The following WDR81 variants were observed in gnomAD, a reference collection of about 807,000 sequenced individuals.
WDR81 encodes the protein WD repeat domain 81, also known as WD repeat-containing protein 81.
WDR81 carries 92 observed loss-of-function variants against 140.8 expected under a neutral mutation model. That is an observed-to-expected ratio of 0.65 (90% CI 0.55 to 0.78). The LOEUF is 0.78. Among genes scored for constraint, WDR81 ranks in the 30% least tolerant of loss-of-function variants. The probability of loss-of-function intolerance (pLI) is 0.00; values close to 1 mark genes in which losing one functional copy is unlikely to be tolerated. For synonymous variants in WDR81, 1,183 were observed against 1,156.4 expected (o/e 1.02, Z -0.47); for missense variants, 2,502 against 2,636.4 (o/e 0.95, Z 1.12).
chr17:1,722,660 C>T (rs1373153593), upstream of WDR81, among the ~76,000 whole-genome samples: 2 of 149,484 alleles, frequency 1.3e-5, no homozygotes, highest in Admixed American at 6.7e-5. Flanking sequence ...ATTTTCTCTC[C>T]TATCAGGCCT....
chr17:1,725,414 G>T lies in WDR81; in HGVS notation c.455G>T (p.Arg152Leu), dbSNP rs1915168470. ...VAAQNYRNLW[R>L]HAYHTYGQPY... is the part of the protein sequence containing the mutation. The stretch of plus-strand genomic sequence containing the variant: ...GCCCAGAATTATCGCAACCTGTGGC[G>T]CCATGCATACCACACTTACGGCCAG... Residue 152 changes from arginine to leucine, a missense_variant, in exon 1 of 10, where the codon CGC (arginine) becomes CTC (leucine). Arg to Leu is a moderately radical substitution (Grantham distance 102). Coordinates refer to ENST00000409644, the MANE Select transcript of WDR81 (RefSeq NM_001163809.2). The T allele has an allele frequency of 6.5e-7, 1 of 1,549,522 alleles. No individual in the cohort carries two copies. The highest frequency in any genetic ancestry group is 1.2e-5 in the South Asian group (1 of 84,068).
chr17:1,737,714 TG>T lies in WDR81; in HGVS notation c.*32del, dbSNP rs1905009919. 1.9e-6 allele frequency: 3 copies of T among 1,579,296 alleles called. No individual in the cohort carries two copies. In the African/African-American group the frequency reaches 4.0e-5, roughly 21 times the overall value. On this transcript the variant is annotated 3_prime_UTR_variant, in exon 10 of 10. Transcript: ENST00000409644. Reference sequence around the variant, plus strand: ...GAGGCAGGAGCTGGCCGGGCAAGGGTGGGAAGACATCTGCGGGCGCGTGTCC... The same window carrying T: ...GAGGCAGGAGCTGGCCGGGCAAGGGTGGAAGACATCTGCGGGCGCGTGTCC...
chr17:1,732,749 C>G lies in WDR81; in HGVS notation c.4407C>G (p.Asp1469Glu). 1.2e-6 allele frequency: 2 copies of G among 1,613,068 alleles called. No homozygotes were observed. The highest frequency in any genetic ancestry group is 3.3e-5 in the Admixed American group (2 of 60,006). The change falls in exon 6 of 10, where the codon GAC becomes GAG. Residue 1469 changes from aspartate to glutamate, a missense_variant. This residue lies in a region of WDR81 where 1,737 missense variants were observed against 1,843.0 expected (regional missense o/e 0.94). Transcript: ENST00000409644. ...CTGATGGGCAGCAGCGGCCCGTGGA[C>G]CCCGCCCTGCTGGACGAGCTGCAGA... ...VFSDGQQRPV[D>E]PALLDELQKV...
rs1453585766 is a variant in WDR81 at position 1,732,393 on chromosome 17, G to C, written c.4226G>C (p.Cys1409Ser). The C allele has an allele frequency of 1.2e-6, 2 of 1,613,586 alleles. No homozygotes were observed. The highest frequency in any genetic ancestry group is 1.1e-5 in the South Asian group (1 of 91,084). Residue 1409 changes from cysteine to serine, a missense_variant, in exon 5 of 10, where the codon TGC becomes TCC. Coordinates refer to ENST00000409644, the MANE Select transcript of WDR81 (RefSeq NM_001163809.2). Reference sequence around the variant, plus strand: ...ACCATCAGCCTCATCGCCCTCATCTGCCTGCGCATTGGACAGGAGATGGTC... The same window carrying C: ...ACCATCAGCCTCATCGCCCTCATCTCCCTGCGCATTGGACAGGAGATGGTC... ...VKTISLIALI[C>S]LRIGQEMVQQ...
chr17:1,718,655 C>A (rs1914715515), intron 1 of WDR81, among the ~76,000 whole-genome samples: 2 of 152,210 alleles, frequency 1.3e-5, no homozygotes, highest in South Asian at 4.1e-4. Context: ...AGGGTCACTC[C>A]AGGACAAGCT....
chr17:1,734,151 A>T lies in WDR81; in HGVS notation c.5114A>T (p.Gln1705Leu). 6.3e-7 allele frequency: 1 copy of T among 1,598,792 alleles called. No homozygotes were observed. Among genetic ancestry groups the T allele is most frequent in the Non-Finnish European group, 8.5e-7 (1 of 1,179,642 alleles). ...QHRKSVFFVG[Q>L]LEAPQHVVSC... Reference sequence around the variant, plus strand: ...CGCAAGAGCGTCTTCTTCGTGGGCCAGCTTGAGGCCCCGCAGCACGTGGTG... The same window carrying T: ...CGCAAGAGCGTCTTCTTCGTGGGCCTGCTTGAGGCCCCGCAGCACGTGGTG... The change falls in exon 7 of 10, where the codon CAG becomes CTG. Residue 1705 changes from glutamine to leucine, a missense_variant. This residue lies in a region of WDR81 where 1,737 missense variants were observed against 1,843.0 expected (regional missense o/e 0.94). Coordinates refer to ENST00000409644, the MANE Select transcript of WDR81 (RefSeq NM_001163809.2).
rs1228399727 is a variant in WDR81, at chr17:1,728,382, CA to C, written c.3424del (p.Ser1142AlafsTer5). On this transcript the variant is annotated frameshift_variant, in exon 1 of 10. Coordinates refer to ENST00000409644, the MANE Select transcript of WDR81 (RefSeq NM_001163809.2). LOFTEE classifies it high-confidence loss of function. ...ACAAGAGCAGCCTTCGATCAGGTGA[CA>C]GCAGCCAGGACTTGAAGCAAAGCGA... ...VDKSSLRSGDSSQDLKQSEGS... is the reference protein window; with the variant it reads ...VDKSSLRSGDXSQDLKQSEGS... The C allele has an allele frequency of 1.9e-6, 3 of 1,612,832 alleles. No individual in the cohort carries two copies. In the African/African-American group the frequency reaches 4.0e-5, roughly 22 times the overall value.
chr17:1,719,302 CT>C (rs1275666217), intron 1 of WDR81, among the ~76,000 whole-genome samples: 1 of 152,124 alleles, frequency 6.6e-6, no homozygotes, highest in Non-Finnish European at 1.5e-5. Context: ...AATCCCAGCA[CT>C]TTGGGAGGCT....
At chr17:1,730,297 T>C in intron 1 of WDR81, 83 bp from the exon 2 acceptor site, 1 of 1,095,660 alleles carries the variant, frequency 9.1e-7, no homozygotes, top group South Asian at 1.6e-5. Context: ...CGCAGGTGGT[T>C]GAGTGGGGTG....
upstream of WDR81, among the ~76,000 whole-genome samples, chr17:1,723,457 T>TTTTATTTATTTATTTA (rs60273826): frequency 3.8e-5 from 5 of 130,538 alleles, no homozygotes; most frequent in Non-Finnish European, 6.4e-5. Context: ...ATTTATTTAT[T>TTTTATTTATTTATTTA]TTTATTTATT....
rs377456986 is a variant in WDR81, at chr17:1,732,293, G to T, written c.4158-32G>T. 5.6e-6 allele frequency: 9 copies of T among 1,603,054 alleles called. No individual in the cohort carries two copies. In the East Asian group the frequency reaches 2.0e-4, roughly 36 times the overall value. ...AGATTCTGGTCAAGTCCTGCAGAAC[G>T]GCGGGCTGGAGCTCATGAGCTCTGT... On this transcript the variant is annotated intron_variant, in intron 4 of 9. Coordinates refer to ENST00000409644, the MANE Select transcript of WDR81 (RefSeq NM_001163809.2).
chr17:1,727,029 C>T lies in WDR81; in HGVS notation c.2070C>T (p.Leu690=), dbSNP rs745835118. 1.9e-6 allele frequency: 3 copies of T among 1,550,402 alleles called. No individual in the cohort carries two copies. Among genetic ancestry groups the T allele is most frequent in the East Asian group, 4.9e-5 (2 of 40,924 alleles). Residue 690 remains leucine, a synonymous_variant, in exon 1 of 10, where the codon CTC becomes CTT. Transcript: ENST00000409644. ...CCAGTCAAGCGTCCCCTGGACTTCT[C>T]TCTTTCTCAGTGGCCTCAGCCTCCC... is the stretch of plus-strand genomic sequence containing the variant. ...GSSSQASPGL[L]SFSVASASRP...
chr17:1,719,868 G>C (rs1029381746), upstream of WDR81, among the ~76,000 whole-genome samples: 10 of 151,874 alleles, frequency 6.6e-5, no homozygotes, highest in Non-Finnish European at 1.0e-4. Context: ...GCCAGGTGTG[G>C]TGGTATCTGT....
intron 6 of WDR81, among the ~76,000 whole-genome samples, chr17:1,733,321 A>T (rs945757785): frequency 6.6e-6 from 1 of 152,214 alleles, no homozygotes; most frequent in African/African-American, 2.4e-5. Flanking sequence ...ACGGCACGGC[A>T]CATATAGAAG....
At chr17:1,730,632 C>A (rs946577789) in intron 2 of WDR81, 123 bp from the exon 3 acceptor site, 7 of 1,430,200 alleles carry the variant, frequency 4.9e-6, no homozygotes, top group Non-Finnish European at 4.7e-6. Context: ...AAGTGCCAGC[C>A]TTGGGTAGGG....
rs770995429 is a variant in WDR81, at chr17:1,727,940, G to A, written c.2981G>A (p.Arg994Gln). ...TGCTTTGTGGCCCAGCTGATGGTGC[G>A]GCTGGGCCTGCAGGCATTTCTCACT... ...TDCFVAQLMV[R>Q]LGLQAFLTHL... Residue 994 changes from arginine to glutamine, a missense_variant, in exon 1 of 10, where the codon CGG becomes CAG. By Grantham distance (43) the Arg-to-Gln change is conservative (BLOSUM62 1). Transcript: ENST00000409644. The A allele has an allele frequency of 1.3e-5, 20 of 1,550,248 alleles. No individual in the cohort carries two copies. Among genetic ancestry groups the A allele is most frequent in the East Asian group, 2.4e-5 (1 of 40,926 alleles).
rs1044435200 is a variant in WDR81, at chr17:1,728,080, C to T, written c.3121C>T (p.Pro1041Ser). 3 of 1,592,718 alleles carry T rather than the reference C, an allele frequency of 1.9e-6. No individual in the cohort carries two copies. The highest frequency in any genetic ancestry group is 1.7e-6 in the Non-Finnish European group (2 of 1,170,354). The change falls in exon 1 of 10, where the codon CCT becomes TCT. Residue 1041 changes from proline to serine, a missense_variant. Physicochemically the swap from Pro to Ser is moderately conservative, Grantham distance 74. Coordinates refer to ENST00000409644, the MANE Select transcript of WDR81 (RefSeq NM_001163809.2). ...EEESGLPGAGPGSCAFGEEIP... is the reference protein window; with the variant it reads ...EEESGLPGAGSGSCAFGEEIP... ...GGAGAGCGGGCTGCCCGGGGCCGGG[C>T]CTGGCTCCTGTGCTTTTGGGGAGGA...
chr17:1,735,960 G>A lies in WDR81; in HGVS notation c.5326-79G>A, dbSNP rs1032144951. On this transcript the variant is annotated intron_variant, in intron 8 of 9. Coordinates refer to ENST00000409644, the MANE Select transcript of WDR81 (RefSeq NM_001163809.2). This position sits in a 1 kb window ranked among gnomAD's most constrained non-coding sequence, Gnocchi z 4.2. ...AGAGGCTCAGGCCTTCCTGCTGTGTGGGCTTGGGTGGTGGGCAGGGCCTTG... is the reference window on the plus strand; with the variant it reads ...AGAGGCTCAGGCCTTCCTGCTGTGTAGGCTTGGGTGGTGGGCAGGGCCTTG... 5.3e-5 allele frequency: 80 copies of A among 1,514,872 alleles called. No individual in the cohort carries two copies. In the Admixed American group the frequency reaches 5.4e-4, roughly 10 times the overall value. The allele number at this position is 1,514,872 out of a possible 1,614,324, so 93.8% of individuals were successfully genotyped here. A position where few individuals can be genotyped will look rare whatever the true frequency, so the allele number is the denominator to read the frequency against.
At chr17:1,733,123 GCCT>G in intron 6 of WDR81, 1 of 478,858 alleles carries the variant, frequency 2.1e-6, no homozygotes, top group Non-Finnish European at 3.7e-6. Flanking sequence ...GGAAGGAGTG[GCCT>G]CCTGTTTACG....
Sources: allele counts gnomAD v4.1 joint callset (sites outside exome capture counted in the v4.1 genomes callset), GRCh38; gene constraint gnomAD v4.1.1; regional missense constraint gnomAD v4.1.1; non-coding constraint Gnocchi (gnomAD v3.1); transcripts MANE v1.5; gene names NCBI Gene and HGNC (gene_info 2026-07-23, HGNC 2026-07-21).